BANK1: variants seen among roughly 807,000 people sequenced by gnomAD.
The protein encoded by BANK1 is B-cell scaffold protein with ankyrin repeats.
BANK1 carries 95 observed loss-of-function variants against 94.5 expected under a neutral mutation model. The ratio of observed to expected loss-of-function variants is 1.00; its 90% CI spans 0.85 to 1.19. The LOEUF (loss-of-function observed/expected upper bound fraction) is 1.19. Ranked by LOEUF, BANK1 falls within the 50% of genes most tolerant of loss-of-function variation. The probability of loss-of-function intolerance (pLI) is 0.00; values close to 1 mark genes in which losing one functional copy is unlikely to be tolerated. For synonymous variants in BANK1, 334 were observed against 308.4 expected (o/e 1.08, Z -0.87); for missense variants, 987 against 932.2 (o/e 1.06, Z -0.77).
intron 1 of BANK1, among the ~76,000 whole-genome samples, chr4:101,802,762 G>A (rs1725398373): frequency 6.6e-6 from 1 of 152,066 alleles, no homozygotes. Flanking sequence ...TAGTATACTT[G>A]GAATAAAATT....
rs944146236 is a variant in BANK1 at position 101,886,848 on chromosome 4, T to G, written c.904-8457T>G. On this transcript the variant is annotated intron_variant, in intron 5 of 16. Coordinates refer to ENST00000322953, the MANE Select transcript of BANK1 (RefSeq NM_017935.5). ...TATTAAGAAAACTTTTATCAGATTG[T>G]CTTTACATAAATTATGATGTTCATG... Among the ~76,000 whole-genome samples the G allele has an allele frequency of 2.0e-5, 3 of 152,168 alleles. 1 individual carries two copies. Among genetic ancestry groups the G allele is most frequent in the African/African-American group, 7.2e-5 (3 of 41,446 alleles).
intron 7 of BANK1, among the ~76,000 whole-genome samples, chr4:101,977,365 A>C (rs564182585): frequency 1.3e-5 from 2 of 152,308 alleles, no homozygotes; most frequent in South Asian, 2.1e-4. Flanking sequence ...AGTGTAGTCC[A>C]ACTTTATGAT....
At chr4:101,846,530 A>G (rs1309792724) in intron 2 of BANK1, among the ~76,000 whole-genome samples, 1 of 152,202 alleles carries the variant, frequency 6.6e-6, no homozygotes, top group African/African-American at 2.4e-5. Context: ...AAGACTGGGT[A>G]ATTTTTAAGA....
intron 7 of BANK1, among the ~76,000 whole-genome samples, chr4:101,945,345 G>T (rs1330869579): frequency 6.6e-6 from 1 of 151,780 alleles, no homozygotes; most frequent in Non-Finnish European, 1.5e-5. Flanking sequence ...TGTCTTTGGA[G>T]CATGAGGGGC....
chr4:101,956,584 A>T (rs1560651820), intron 7 of BANK1, among the ~76,000 whole-genome samples: 1 of 152,180 alleles, frequency 6.6e-6, no homozygotes, highest in Non-Finnish European at 1.5e-5. Flanking sequence ...GTAGCACTTG[A>T]GGATGATATC....
At chr4:101,870,829 CA>C (rs199824902) in intron 5 of BANK1, among the ~76,000 whole-genome samples, 185 bp downstream of exon 5, 9 of 148,234 alleles carry the variant, frequency 6.1e-5, no homozygotes, top group South Asian at 4.3e-4. Context: ...TTGCCTAGGT[CA>C]AAAAAAAACA....
At chr4:101,998,765 G>T (rs1435850931) in intron 7 of BANK1, among the ~76,000 whole-genome samples, 1 of 152,024 alleles carries the variant, frequency 6.6e-6, no homozygotes, top group Non-Finnish European at 1.5e-5. Context: ...TGCCACAAAA[G>T]CACACACATT....
chr4:102,029,933 A>G (rs1727230773), intron 9 of BANK1, 27 bp from the exon 10 acceptor site: 4 of 1,568,166 alleles, frequency 2.6e-6, no homozygotes, highest in Non-Finnish European at 3.4e-6. Context: ...CAGAAGAGTA[A>G]ACACCATGTA....
intron 7 of BANK1, among the ~76,000 whole-genome samples, chr4:101,963,603 A>C (rs1263248851): frequency 6.6e-6 from 1 of 151,942 alleles, no homozygotes; most frequent in African/African-American, 2.4e-5. Context: ...TCTACCACTC[A>C]ACCAAAGTGT....
At chr4:101,994,949 C>A (rs1295211348) in intron 7 of BANK1, among the ~76,000 whole-genome samples, 1 of 151,880 alleles carries the variant, frequency 6.6e-6, no homozygotes, top group Non-Finnish European at 1.5e-5. Flanking sequence ...TTTGATATTG[C>A]CTCTTTTTTA....
At chr4:101,808,913 T>C (rs13152198) in intron 1 of BANK1, among the ~76,000 whole-genome samples, 37,902 of 152,086 alleles carry the variant, frequency 0.25, 5,259 homozygotes, top group Non-Finnish European at 0.32. Context: ...TGTAAACTAG[T>C]ATAACCACTA....
At chr4:101,795,200 T>G (rs1054694060) in intron 1 of BANK1, among the ~76,000 whole-genome samples, 6 of 152,140 alleles carry the variant, frequency 3.9e-5, no homozygotes, top group Admixed American at 3.3e-4. Context: ...AATTTTAGCC[T>G]TCTTGTAATA....
intron 1 of BANK1, among the ~76,000 whole-genome samples, chr4:101,819,920 A>G (rs548255594): frequency 3.9e-5 from 6 of 152,316 alleles, no homozygotes; most frequent in African/African-American, 7.2e-5. Context: ...AGTTGTAGAA[A>G]AGAAGAGGAG....
chr4:101,976,516 A>T (rs1284335489), intron 7 of BANK1, among the ~76,000 whole-genome samples: 1 of 152,184 alleles, frequency 6.6e-6, no homozygotes, highest in African/African-American at 2.4e-5. Context: ...TAGCCAGAGT[A>T]AAGTATTGAT....
At chr4:102,014,625 C>G (rs979086602) in intron 7 of BANK1, among the ~76,000 whole-genome samples, 24 of 152,092 alleles carry the variant, frequency 1.6e-4, no homozygotes, top group African/African-American at 4.1e-4. Flanking sequence ...ATTTTCCCAG[C>G]TAAATATTCA....
chr4:101,806,318 G>C (rs917478369), intron 1 of BANK1, among the ~76,000 whole-genome samples: 2 of 146,498 alleles, frequency 1.4e-5, no homozygotes, highest in Middle Eastern at 3.5e-3. Flanking sequence ...TTTTGCTCTC[G>C]CTCCATATAA....
At position 101,830,207 on chromosome 4, in the gene BANK1, G is replaced by A; in HGVS notation, c.469+1G>A. On this transcript the variant is annotated splice_donor_variant, in intron 2 of 16. Transcript: ENST00000322953. LOFTEE classifies it high-confidence loss of function. The stretch of plus-strand genomic sequence containing the variant: ...GTAATCCAGAGTATCATATTCAAAG[G>A]TAGTGTTGCCAAACCTTGTTTGTTT... The A allele has an allele frequency of 6.7e-7, 1 of 1,482,946 alleles. No homozygotes were observed. The highest frequency in any genetic ancestry group is 8.9e-7 in the Non-Finnish European group (1 of 1,119,422). The allele number at this position is 1,482,946 out of a possible 1,614,324, so 91.9% of individuals were successfully genotyped here. A position where few individuals can be genotyped will look rare whatever the true frequency, so the allele number is the denominator to read the frequency against.
At chr4:102,070,869 A>G (rs1296713527) in intron 13 of BANK1, among the ~76,000 whole-genome samples, 1 of 152,248 alleles carries the variant, frequency 6.6e-6, no homozygotes, top group Non-Finnish European at 1.5e-5. Flanking sequence ...TGGTGGGTAC[A>G]TGGCCATATG....
intron 10 of BANK1, among the ~76,000 whole-genome samples, chr4:102,039,408 G>A (rs555273067): frequency 5.9e-5 from 9 of 152,126 alleles, no homozygotes; most frequent in East Asian, 3.9e-4. Context: ...CTGCTTATAC[G>A]GTTAAAACAT....
Sources: gnomAD v4.1 joint callset for allele counts (sites outside exome capture counted in the v4.1 genomes callset) on GRCh38, gnomAD v4.1.1 for gene constraint, MANE v1.5 for transcripts, NCBI Gene and HGNC (gene_info 2026-07-23, HGNC 2026-07-21) for gene names.